Variants in CARMIL1 observed in about 807,000 individuals in gnomAD.
CARMIL1 encodes capping protein regulator and myosin 1 linker 1.
In CARMIL1, 90 loss-of-function variants were observed where a neutral mutation model predicts 177.1. The observed-to-expected ratio is 0.51, with a 90% CI of 0.43 to 0.61. The LOEUF is 0.61. CARMIL1 is among the 20% of genes least tolerant of loss of function. The pLI, the probability that CARMIL1 is intolerant of heterozygous loss-of-function variation, is 0.00. For synonymous variants in CARMIL1, 577 were observed against 606.2 expected (o/e 0.95, Z 0.71); for missense variants, 1,380 against 1,667.0 (o/e 0.83, Z 3.00).
At chr6:25,523,651 C>G (rs370933954) in intron 23 of CARMIL1, among the ~76,000 whole-genome samples, 4 of 152,118 alleles carry the variant, frequency 2.6e-5, no homozygotes, top group African/African-American at 7.2e-5. Context: ...TGGAAGTTAT[C>G]ACTCCCATCC....
rs753483829 is a variant in CARMIL1, at chr6:25,515,704, G to A, written c.1662G>A (p.Ser554=). The A allele has an allele frequency of 2.7e-5, 44 of 1,607,476 alleles. No individual in the cohort carries two copies. Among genetic ancestry groups the A allele is most frequent in the African/African-American group, 1.6e-4 (12 of 74,804 alleles). Residue 554 remains serine, a synonymous_variant, in exon 21 of 37, where the codon TCG becomes TCA. Transcript: ENST00000329474. This position sits in a 1 kb window ranked among gnomAD's most constrained non-coding sequence, Gnocchi z 5.0. The part of the protein sequence containing the change: ...SPLQSLSLAD[S]KLKTEVTIII... The stretch of plus-strand genomic sequence containing the variant: ...TGCAGTCCTTGTCCCTGGCTGACTC[G>A]AAACTCAAGACTGAGGTCACCATCA...
intron 32 of CARMIL1, among the ~76,000 whole-genome samples, chr6:25,595,831 G>C (rs1269566609): frequency 6.6e-6 from 1 of 152,098 alleles, no homozygotes; most frequent in African/African-American, 2.4e-5. Context: ...TGCTTTCAAG[G>C]CTTTTTTCCC....
chr6:25,438,909 TAGAA>T (rs1797476033), intron 5 of CARMIL1, among the ~76,000 whole-genome samples: 1 of 151,690 alleles, frequency 6.6e-6, no homozygotes, highest in African/African-American at 2.4e-5. Flanking sequence ...AGAATAGAAG[TAGAA>T]AGCTAATTTG....
chr6:25,462,944 T>C (rs2150912101), intron 8 of CARMIL1, among the ~76,000 whole-genome samples: 1 of 152,336 alleles, frequency 6.6e-6, no homozygotes, highest in East Asian at 1.9e-4. Flanking sequence ...ATATGATATG[T>C]CATTGTCTCC....
At chr6:25,302,588 C>T (rs1023364114) in intron 2 of CARMIL1, among the ~76,000 whole-genome samples, 4 of 152,204 alleles carry the variant, frequency 2.6e-5, no homozygotes, top group Non-Finnish European at 5.9e-5. Flanking sequence ...AGTCACTCAG[C>T]CTTGAGTACA....
chr6:25,602,223 G>A (rs1402038865), intron 33 of CARMIL1, among the ~76,000 whole-genome samples: 1 of 152,196 alleles, frequency 6.6e-6, no homozygotes, highest in African/African-American at 2.4e-5. Flanking sequence ...AGTTGGGAGA[G>A]ACCACAGAAC....
At chr6:25,600,232 T>A in intron 32 of CARMIL1, 82 bp from the exon 33 acceptor site, 1 of 1,305,270 alleles carries the variant, frequency 7.7e-7, no homozygotes, top group Non-Finnish European at 1.1e-6. Flanking sequence ...TGTAGCAATC[T>A]CCATATTTAT....
chr6:25,400,758 C>T (rs1010665030), intron 2 of CARMIL1, among the ~76,000 whole-genome samples: 5 of 152,176 alleles, frequency 3.3e-5, no homozygotes, highest in African/African-American at 1.2e-4. Context: ...TAACTGATAG[C>T]AGAGGAAAGT....
chr6:25,574,580 C>A (rs1356710124), intron 29 of CARMIL1, among the ~76,000 whole-genome samples: 1 of 152,222 alleles, frequency 6.6e-6, no homozygotes, highest in East Asian at 1.9e-4. Context: ...GAGGCACTCT[C>A]ATGAGTTCAG....
rs1337114630 is a variant in CARMIL1 at position 25,518,867 on chromosome 6, G to C, written c.1875-1377G>C. 2.6e-5 allele frequency among the ~76,000 whole-genome samples: 4 copies of C among 152,090 alleles called. 1 individual carries two copies. The highest frequency in any genetic ancestry group is 2.6e-4 in the Admixed American group (4 of 15,276). On this transcript the variant is annotated intron_variant, in intron 22 of 36. Transcript: ENST00000329474. ...GTAACATGATAGAAATTGGATGAGG[G>C]AAAGAAAAATTGTCAAGGCCGTAAA...
At chr6:25,323,137 C>T (rs1007693827) in intron 2 of CARMIL1, among the ~76,000 whole-genome samples, 15 of 151,914 alleles carry the variant, frequency 9.9e-5, no homozygotes, top group Non-Finnish European at 1.9e-4. Flanking sequence ...TTCTCAAATT[C>T]TAATAGACGC....
At position 25,600,688 on chromosome 6, in the gene CARMIL1, G is replaced by T; in HGVS notation, c.3494G>T (p.Ser1165Ile). 6.3e-7 allele frequency: 1 copy of T among 1,595,578 alleles called. No individual in the cohort carries two copies. The highest frequency in any genetic ancestry group is 1.1e-5 in the South Asian group (1 of 88,086). The stretch of plus-strand genomic sequence containing the variant: ...AGGTATGGGGTCCAGGTGATGGGCA[G>T]TGGTCTGCTGGCAGAGATGAAAGCC... The part of the protein sequence containing the change: ...GRRYGVQVMG[S>I]GLLAEMKAKQ... The change falls in exon 33 of 37, where the codon AGT (serine) becomes ATT (isoleucine). Residue 1165 changes from serine to isoleucine, a missense_variant. Transcript: ENST00000329474.
intron 2 of CARMIL1, among the ~76,000 whole-genome samples, chr6:25,323,476 G>A (rs1347212082): frequency 6.6e-6 from 1 of 151,652 alleles, no homozygotes; most frequent in Non-Finnish European, 1.5e-5. Flanking sequence ...AGGTGTGGTG[G>A]CACATGCCTA....
At chr6:25,341,133 T>G (rs1456244929) in intron 2 of CARMIL1, among the ~76,000 whole-genome samples, 1 of 148,472 alleles carries the variant, frequency 6.7e-6, no homozygotes, top group Non-Finnish European at 1.5e-5. Context: ...TAGATGGTAT[T>G]ATTATTGCCC....
chr6:25,547,744 C>G (rs1809654286), intron 26 of CARMIL1, among the ~76,000 whole-genome samples: 1 of 152,146 alleles, frequency 6.6e-6, no homozygotes, highest in African/African-American at 2.4e-5. Flanking sequence ...ATAAATTTTT[C>G]TGGATGAGTG....
At chr6:25,557,538 T>C (rs1170351512) in intron 29 of CARMIL1, among the ~76,000 whole-genome samples, 1 of 152,190 alleles carries the variant, frequency 6.6e-6, no homozygotes, top group East Asian at 1.9e-4. Context: ...ATGAAACAAT[T>C]GTTTGTGTCT....
intron 2 of CARMIL1, among the ~76,000 whole-genome samples, chr6:25,302,582 A>C (rs9356973): frequency 0.42 from 63,377 of 152,082 alleles, 14,082 homozygotes; most frequent in Middle Eastern, 0.5. Flanking sequence ...CCAGTAAGTC[A>C]CTCAGCCTTG....
intron 36 of CARMIL1, among the ~76,000 whole-genome samples, chr6:25,614,629 C>T (rs1816753718): frequency 6.6e-6 from 1 of 152,170 alleles, no homozygotes; most frequent in Admixed American, 6.5e-5. Flanking sequence ...GTTTCTGGAG[C>T]TTTACATTTG....
chr6:25,520,415 C>A (rs1806430309), intron 23 of CARMIL1, 78 bp downstream of exon 23: 2 of 810,916 alleles, frequency 2.5e-6, no homozygotes, highest in African/African-American at 1.7e-5. Context: ...ATAAACAATA[C>A]TTTGTTATTT....
Sources: allele counts gnomAD v4.1 joint callset (sites outside exome capture counted in the v4.1 genomes callset), GRCh38; gene constraint gnomAD v4.1.1; non-coding constraint Gnocchi (gnomAD v3.1); transcripts MANE v1.5; gene names NCBI Gene and HGNC (gene_info 2026-07-23, HGNC 2026-07-21).